Variants in PTPRG observed in about 807,000 individuals in gnomAD.
PTPRG encodes protein tyrosine phosphatase receptor type G.
PTPRG carries 102 observed loss-of-function variants against 165.3 expected under a neutral mutation model. The observed-to-expected ratio is 0.62, with a 90% confidence interval of 0.53 to 0.73. The LOEUF is 0.73. PTPRG is among the 30% of genes least tolerant of loss of function. The pLI is 0.00. For missense variants in PTPRG, 1,866 were observed against 1,861.4 expected (o/e 1.00, Z -0.05); for synonymous variants, 675 against 669.5 (o/e 1.01, Z -0.13).
intron 1 of PTPRG, among the ~76,000 whole-genome samples, chr3:61,565,874 G>A (rs149589360): frequency 6.6e-6 from 1 of 151,898 alleles, no homozygotes; most frequent in Non-Finnish European, 1.5e-5. Context: ...ATGGCCTTAG[G>A]AAAAGGCAAA....
At chr3:62,264,789 T>G (rs758865656) in intron 17 of PTPRG, among the ~76,000 whole-genome samples, 2 of 152,206 alleles carry the variant, frequency 1.3e-5, no homozygotes, top group Non-Finnish European at 2.9e-5. Flanking sequence ...ATATTTTCAC[T>G]TCTCTTTGGT....
intron 7 of PTPRG, among the ~76,000 whole-genome samples, chr3:62,158,265 G>T (rs1190931096): frequency 2.0e-5 from 3 of 152,178 alleles, no homozygotes; most frequent in African/African-American, 7.2e-5. Flanking sequence ...CATGTTAGTT[G>T]TGCAAAATTC....
At chr3:62,232,413 A>C (rs769406920) in intron 14 of PTPRG, among the ~76,000 whole-genome samples, 4 of 152,222 alleles carry the variant, frequency 2.6e-5, no homozygotes, top group South Asian at 2.1e-4. Context: ...AAAACTAAGG[A>C]TAGAAACTGA....
intron 4 of PTPRG, among the ~76,000 whole-genome samples, chr3:62,067,037 T>TGAAAAAAAA (rs759567324): frequency 2.1e-5 from 1 of 48,154 alleles, no homozygotes; most frequent in Non-Finnish European, 4.2e-5. Flanking sequence ...AGATTCTGAC[T>TGAAAAAAAA]CAAAAAAAAA....
At chr3:61,742,633 A>G in intron 1 of PTPRG, 1 of 1,604,594 alleles carries the variant, frequency 6.2e-7, no homozygotes, top group Non-Finnish European at 8.5e-7. Context: ...CACCTTCTTC[A>G]TTTGGAACTT....
At chr3:61,653,031 A>G (rs116199863) in intron 1 of PTPRG, among the ~76,000 whole-genome samples, 1 of 152,354 alleles carries the variant, frequency 6.6e-6, no homozygotes, top group African/African-American at 2.4e-5. Flanking sequence ...ATTTGTATTC[A>G]TTGCAGAACA....
rs894616043 is a variant in PTPRG at position 62,297,523 on chromosome 3, T to C, written c.*4216T>C. 3 of 151,960 alleles carry C rather than the reference T, an allele frequency of 2.0e-5. No individual in the cohort carries two copies. The highest frequency in any genetic ancestry group is 7.2e-5 in the African/African-American group (3 of 41,400). The allele number at this position is 151,960 out of a possible 1,614,324, so 9.4% of individuals were successfully genotyped here. ...GAAATTTTTCCCTTTTTCTTCTGTT[T>C]AAACTATATCAAATCATTCTATTAT... On this transcript the variant is annotated 3_prime_UTR_variant, in exon 30 of 30. Coordinates refer to ENST00000474889, the MANE Select transcript of PTPRG (RefSeq NM_002841.4).
chr3:62,042,625 A>G (rs576598285), intron 4 of PTPRG, among the ~76,000 whole-genome samples: 1 of 152,220 alleles, frequency 6.6e-6, no homozygotes, highest in African/African-American at 2.4e-5. Context: ...GCTTCATCCT[A>G]GAAGGCTTCA....
chr3:62,147,072 T>TAAC (rs892465583), intron 6 of PTPRG, among the ~76,000 whole-genome samples: 67 of 152,330 alleles, frequency 4.4e-4, no homozygotes, highest in African/African-American at 1.6e-3. Flanking sequence ...ACCCAGGTCT[T>TAAC]AACAACCTAT....
chr3:61,621,343 A>T (rs1701452943), intron 1 of PTPRG, among the ~76,000 whole-genome samples: 1 of 152,008 alleles, frequency 6.6e-6, no homozygotes, highest in South Asian at 2.1e-4. Context: ...AAAATAAATG[A>T]CTTAACCTTG....
intron 5 of PTPRG, among the ~76,000 whole-genome samples, chr3:62,116,816 T>C (rs1702884817): frequency 6.6e-6 from 1 of 152,222 alleles, no homozygotes; most frequent in Admixed American, 6.5e-5. Context: ...GACCTCAATG[T>C]CTAATGGGAA....
chr3:61,759,316 TAAC>T (rs956439623), intron 2 of PTPRG, among the ~76,000 whole-genome samples: 2 of 152,224 alleles, frequency 1.3e-5, no homozygotes, highest in Admixed American at 1.3e-4. Flanking sequence ...TGCTTTCTAA[TAAC>T]TTCAGGAATT....
intron 14 of PTPRG, 46 bp from the exon 15 acceptor site, chr3:62,243,761 A>ATAAT: frequency 1.6e-6 from 2 of 1,221,186 alleles, no homozygotes; most frequent in Non-Finnish European, 1.2e-6. Flanking sequence ...ATGAACTCAA[A>ATAAT]TAAAGTATAT....
At chr3:62,022,929 CTT>C (rs1321508722) in intron 4 of PTPRG, among the ~76,000 whole-genome samples, 4 of 151,862 alleles carry the variant, frequency 2.6e-5, no homozygotes, top group African/African-American at 9.7e-5. Context: ...TTTTATTTTT[CTT>C]GTCTGTTATT....
intron 2 of PTPRG, among the ~76,000 whole-genome samples, chr3:61,824,248 G>C (rs749842281): frequency 6.6e-6 from 1 of 152,196 alleles, no homozygotes; most frequent in Non-Finnish European, 1.5e-5. Flanking sequence ...TATTTTCTAG[G>C]CTTTCCTGCA....
chr3:61,625,560 C>T lies in PTPRG; in HGVS notation c.85+63188C>T, dbSNP rs1000981704. Among the ~76,000 whole-genome samples, 3 of 152,246 alleles carry T rather than the reference C, an allele frequency of 2.0e-5. No individual in the cohort carries two copies. In the South Asian group the frequency reaches 6.2e-4, roughly 32 times the overall value. ...TATTCACTTGGGTGTGTTTCAAGCC[C>T]GTGACTTGGAAATACAAGGGTTTTC... On this transcript the variant is annotated intron_variant, in intron 1 of 29. Coordinates refer to ENST00000474889, the MANE Select transcript of PTPRG (RefSeq NM_002841.4).
In PTPRG at chr3:62,255,553, C is replaced by G. The variant is rs970372492; in HGVS notation, c.2559+338C>G. 6.6e-6 allele frequency among the ~76,000 whole-genome samples: 1 copy of G among 152,092 alleles called. No individual in the cohort carries two copies. The highest frequency in any genetic ancestry group is 1.9e-4 in the East Asian group (1 of 5,170). ...AACACAAGGCTCCCTAATTCCATGTCTTTTCTGCAATGCACATGGTATAGT... is the reference window on the plus strand; with the variant it reads ...AACACAAGGCTCCCTAATTCCATGTGTTTTCTGCAATGCACATGGTATAGT... On this transcript the variant is annotated intron_variant, in intron 16 of 29. Coordinates refer to ENST00000474889, the MANE Select transcript of PTPRG (RefSeq NM_002841.4). This position sits in a 1 kb window ranked among gnomAD's most constrained non-coding sequence, Gnocchi z 4.0.
chr3:61,564,658 CAG>C (rs993079844), intron 1 of PTPRG, among the ~76,000 whole-genome samples: 12 of 152,312 alleles, frequency 7.9e-5, no homozygotes, highest in African/African-American at 2.6e-4. Context: ...GTTAAAATAT[CAG>C]AGCTCTGGGA....
chr3:62,054,712 G>A (rs1036984673), intron 4 of PTPRG, among the ~76,000 whole-genome samples: 1 of 152,142 alleles, frequency 6.6e-6, no homozygotes, highest in Non-Finnish European at 1.5e-5. Flanking sequence ...CTTTGTTTTT[G>A]TACCTTTTTT....
Sources: allele counts gnomAD v4.1 joint callset (sites outside exome capture counted in the v4.1 genomes callset), GRCh38; gene constraint gnomAD v4.1.1; non-coding constraint Gnocchi (gnomAD v3.1); transcripts MANE v1.5; gene names NCBI Gene and HGNC (gene_info 2026-07-23, HGNC 2026-07-21).